The following CFAP47 variants were observed in gnomAD, a reference collection of about 807,000 sequenced individuals.
The protein encoded by CFAP47 is cilia and flagella associated protein 47, also known as cilia- and flagella-associated protein 47.
CFAP47 carries 29 observed loss-of-function variants against 148.1 expected under a neutral mutation model. The observed-to-expected ratio is 0.20, with a 90% CI of 0.15 to 0.27. The LOEUF (loss-of-function observed/expected upper bound fraction) is 0.27, where lower values mean the gene tolerates loss of function less well. Ranked by LOEUF, CFAP47 falls within the 10% of genes least tolerant of loss-of-function variation. The probability of loss-of-function intolerance (pLI) is 1.00; values close to 1 mark genes in which losing one functional copy is unlikely to be tolerated. For synonymous variants in CFAP47, 664 were observed against 577.3 expected (o/e 1.15, Z -2.15); for missense variants, 1,872 against 1,697.5 (o/e 1.10, Z -1.81).
At chrX:36,220,226 T>C (rs1312745448) in intron 45 of CFAP47, among the ~76,000 whole-genome samples, 1 of 111,205 alleles carries the variant, frequency 9.0e-6, no homozygotes, top group Non-Finnish European at 1.9e-5. Flanking sequence ...ATGTATATAA[T>C]GTGTATATGA....
intron 48 of CFAP47, among the ~76,000 whole-genome samples, chrX:36,243,932 C>A (rs1469928612): frequency 9.1e-6 from 1 of 109,560 alleles, no homozygotes; most frequent in Non-Finnish European, 1.9e-5. Flanking sequence ...AAAATACTTT[C>A]TTTTCATCTG....
intron 23 of CFAP47, among the ~76,000 whole-genome samples, chrX:36,034,568 A>C (rs543219494): frequency 1.8e-5 from 2 of 111,518 alleles, no homozygotes; most frequent in Middle Eastern, 4.2e-3. Flanking sequence ...TAGCATGAAC[A>C]CACATATATT....
At chrX:36,004,558 A>G (rs993188800) in intron 21 of CFAP47, among the ~76,000 whole-genome samples, 2 of 110,709 alleles carry the variant, frequency 1.8e-5, no homozygotes, top group African/African-American at 6.6e-5. Context: ...TCCATACTCT[A>G]TAATATTATT....
At position 36,228,691 on chromosome X, in the gene CFAP47, G is replaced by A. The variant is rs1389051508; in HGVS notation, c.6881G>A (p.Cys2294Tyr). The A allele has an allele frequency of 1.9e-6, 1 of 523,243 alleles. No individual in the cohort carries two copies. Among genetic ancestry groups the A allele is most frequent in the Non-Finnish European group, 3.5e-6 (1 of 286,023 alleles). The allele number at this position is 523,243 out of a possible 1,213,427, so 43.1% of individuals were successfully genotyped here. A position where few individuals can be genotyped will look rare whatever the true frequency, so the allele number is the denominator to read the frequency against. ...CCTCTCCAATCTGGACGCTACCCTT[G>A]TAAAATTTTATTGAAATCAAGGTAT... ...FLPLQSGRYP[C>Y]KILLKSRYDV... is the part of the protein sequence containing the mutation. The change falls in exon 46 of 64, where the codon TGT (cysteine) becomes TAT (tyrosine). Residue 2294 changes from cysteine to tyrosine, a missense_variant. Transcript: ENST00000378653.
chrX:36,245,798 A>G (rs1299644463), intron 48 of CFAP47, among the ~76,000 whole-genome samples: 1 of 111,717 alleles, frequency 9.0e-6, no homozygotes, highest in Admixed American at 9.5e-5. Context: ...AAAAAACCCT[A>G]CAAAAACAAG....
In CFAP47 at chrX:35,953,667, C is replaced by T. The variant is rs771794825; in HGVS notation, c.1122C>T (p.Ser374=). ...ATGCTCTCTTTTTGAGATTTGAGTC[C>T]GTAGGAAGTAAAGATGGATTTTTGA... ...QDYALFLRFE[S]VGSKDGFLRD... The change falls in exon 7 of 64, where the codon TCC becomes TCT. Residue 374 remains serine (S), a synonymous_variant. Transcript: ENST00000378653. The T allele has an allele frequency of 2.4e-5, 29 of 1,196,411 alleles. No homozygotes were observed. In the East Asian group the frequency reaches 5.7e-4, roughly 23 times the overall value.
chrX:36,183,812 A>G (rs1315293767), intron 40 of CFAP47, among the ~76,000 whole-genome samples: 1 of 111,956 alleles, frequency 8.9e-6, no homozygotes, highest in Non-Finnish European at 1.9e-5. Flanking sequence ...TCAGGAACGT[A>G]TCAGTGTAGA....
At chrX:36,355,710 G>A (rs1941780237) in intron 60 of CFAP47, among the ~76,000 whole-genome samples, 1 of 111,502 alleles carries the variant, frequency 9.0e-6, no homozygotes, top group South Asian at 3.7e-4. Context: ...CTGGAAGGGA[G>A]AAGAAATGGG....
intron 54 of CFAP47, among the ~76,000 whole-genome samples, chrX:36,304,392 CA>C (rs34996225): frequency 0.27 from 21,461 of 80,614 alleles, 2,259 homozygotes; most frequent in African/African-American, 0.4. Context: ...CAAAAGTAAT[CA>C]AAAAAAAAAA....
At chrX:36,081,870 C>G (rs1937989341) in intron 29 of CFAP47, among the ~76,000 whole-genome samples, 1 of 111,322 alleles carries the variant, frequency 9.0e-6, no homozygotes, top group South Asian at 3.8e-4. Flanking sequence ...CTATGACAGC[C>G]AATATCATAC....
Position 36,233,041 on chromosome X carries a change from G to C in CFAP47, c.7015-2893G>C, listed in dbSNP as rs1344316713. 1.8e-3 allele frequency among the ~76,000 whole-genome samples: 198 copies of C among 111,583 alleles called. 1 individual carries two copies. The highest frequency in any genetic ancestry group is 5.2e-3 in the African/African-American group (161 of 30,670). ...AGGAGAGCTTTACTTCCAAGTATGT[G>C]GTCAATTTTGGAATAGGTGTTGTGT... On this transcript the variant is annotated intron_variant, in intron 46 of 63. Coordinates refer to ENST00000378653, the MANE Select transcript of CFAP47 (RefSeq NM_001304548.2).
At chrX:36,328,563 C>G (rs2146971014) in intron 57 of CFAP47, among the ~76,000 whole-genome samples, 1 of 110,904 alleles carries the variant, frequency 9.0e-6, no homozygotes, top group Non-Finnish European at 1.9e-5. Flanking sequence ...GTAATCCCAG[C>G]ACTTTGGGAG....
At chrX:36,300,461 CTG>C (rs1941287532) in intron 52 of CFAP47, among the ~76,000 whole-genome samples, 1 of 110,476 alleles carries the variant, frequency 9.1e-6, no homozygotes, top group Non-Finnish European at 1.9e-5. Flanking sequence ...AGCTAATTTT[CTG>C]TGTTTTAATG....
At position 36,219,361 on chromosome X, in the gene CFAP47, C is replaced by A. The variant is rs182279462; in HGVS notation, c.6818-9267C>A. On this transcript the variant is annotated intron_variant, in intron 45 of 63. Transcript: ENST00000378653. ...TAATCTTAATGATGGTCAATTGTGT[C>A]TAAACTCCAAAAGGGAGAGGGTATA... 8.6e-4 allele frequency among the ~76,000 whole-genome samples: 96 copies of A among 111,444 alleles called. 1 individual carries two copies. Among genetic ancestry groups the A allele is most frequent in the Non-Finnish European group, 8.1e-4 (43 of 53,106 alleles).
At chrX:36,230,827 A>G (rs1469720176) in intron 46 of CFAP47, among the ~76,000 whole-genome samples, 2 of 105,986 alleles carry the variant, frequency 1.9e-5, no homozygotes, top group African/African-American at 3.6e-5. Context: ...CTTTCTACAT[A>G]TGGCTAGCCA....
intron 11 of CFAP47, among the ~76,000 whole-genome samples, 189 bp from the exon 12 acceptor site, chrX:35,971,397 C>T (rs1936488216): frequency 9.0e-6 from 1 of 111,321 alleles, no homozygotes; most frequent in Non-Finnish European, 1.9e-5. Context: ...ATAATTTCCT[C>T]GATGAGATGT....
At chrX:36,120,537 T>G (rs1377107420) in intron 33 of CFAP47, among the ~76,000 whole-genome samples, 1 of 111,509 alleles carries the variant, frequency 9.0e-6, no homozygotes, top group African/African-American at 3.3e-5. Flanking sequence ...ATTTTTGATG[T>G]ATCCCCTAGG....
At chrX:36,125,424 C>T (rs1938818418) in intron 33 of CFAP47, among the ~76,000 whole-genome samples, 2 of 110,924 alleles carry the variant, frequency 1.8e-5, no homozygotes, top group Admixed American at 1.9e-4. Flanking sequence ...CATTCACAAG[C>T]TGATTAAATA....
chrX:36,276,461 A>C (rs889149987), intron 49 of CFAP47, among the ~76,000 whole-genome samples: 2 of 111,925 alleles, frequency 1.8e-5, no homozygotes, highest in Non-Finnish European at 3.8e-5. Context: ...ATTTGAATCT[A>C]TATTTCCATA....
Sources: allele counts gnomAD v4.1 joint callset (sites outside exome capture counted in the v4.1 genomes callset), GRCh38; gene constraint gnomAD v4.1.1; transcripts MANE v1.5; gene names NCBI Gene and HGNC (gene_info 2026-07-23, HGNC 2026-07-21).